ADARB2: variants seen among roughly 807,000 people sequenced by gnomAD.
ADARB2 encodes the protein adenosine deaminase RNA specific B2 (inactive), also known as inactive double-stranded RNA-specific editase B2.
In ADARB2, 25 loss-of-function variants were observed where a neutral mutation model predicts 62.2. That is an observed-to-expected ratio of 0.40 (90% confidence interval 0.29 to 0.56). ADARB2 has a LOEUF of 0.56. ADARB2 is among the 20% of genes least tolerant of loss of function. The pLI, the probability that ADARB2 is intolerant of heterozygous loss-of-function variation, is 0.43. For missense variants in ADARB2, 1,071 were observed against 1,077.4 expected, an observed-to-expected ratio of 0.99 and a Z score of 0.08; for synonymous variants, 572 against 500.8, an observed-to-expected ratio of 1.14 and a Z score of -1.90.
intron 1 of ADARB2, among the ~76,000 whole-genome samples, chr10:1,721,707 T>G (rs1156390906): frequency 6.6e-6 from 1 of 152,200 alleles, no homozygotes. Flanking sequence ...ACATACAATA[T>G]TATCTCAATG....
chr10:1,700,973 T>G (rs370583315), intron 1 of ADARB2, among the ~76,000 whole-genome samples: 8 of 1,460 alleles, frequency 5.5e-3, no homozygotes, highest in African/African-American at 6.6e-3. Context: ...GCCAATACAC[T>G]CAATCCCACT....
At chr10:1,253,258 G>C (rs1055115876) in intron 4 of ADARB2, among the ~76,000 whole-genome samples, 1 of 152,194 alleles carries the variant, frequency 6.6e-6, no homozygotes, top group Admixed American at 6.5e-5. Flanking sequence ...CTGCAACCAG[G>C]ATGTTTCTGT....
At chr10:1,326,966 G>GCCCAGCGCCTCCCCACT (rs1831860934) in intron 3 of ADARB2, among the ~76,000 whole-genome samples, 2 of 13,044 alleles carry the variant, frequency 1.5e-4, no homozygotes, top group Non-Finnish European at 3.3e-4. Flanking sequence ...GCCTCCCCAC[G>GCCCAGCGCCTCCCCACT]GCCCAGCGCC....
Position 1,271,086 on chromosome 10 carries a change from C to T in ADARB2, c.1078-17G>A. ...TGCGAATTCCTGAAAGACACAAGCA[C>T]AGGCCTCCACGTTGGGCTGAGCAGG... On this transcript the variant is annotated splice_polypyrimidine_tract_variant and intron_variant, in intron 3 of 9. Coordinates refer to ENST00000381312, the MANE Select transcript of ADARB2 (RefSeq NM_018702.4). The T allele has an allele frequency of 6.2e-7, 1 of 1,607,974 alleles. No individual in the cohort carries two copies. The highest frequency in any genetic ancestry group is 8.5e-7 in the Non-Finnish European group (1 of 1,175,490).
At chr10:1,316,563 G>A (rs542293154) in intron 3 of ADARB2, among the ~76,000 whole-genome samples, 1 of 152,130 alleles carries the variant, frequency 6.6e-6, no homozygotes, top group South Asian at 2.1e-4. Flanking sequence ...CCTCCTACCC[G>A]GAATAGGATT....
chr10:1,611,218 G>C (rs547604787), intron 1 of ADARB2, among the ~76,000 whole-genome samples: 256 of 152,224 alleles, frequency 1.7e-3, no homozygotes, highest in African/African-American at 5.9e-3. Context: ...TTTTGGAGGC[G>C]CGGAGTGAAT....
intron 1 of ADARB2, among the ~76,000 whole-genome samples, chr10:1,468,258 G>A (rs564953854): frequency 1.3e-5 from 2 of 152,298 alleles, no homozygotes; most frequent in East Asian, 3.9e-4. Flanking sequence ...GGATTCTTTG[G>A]GAGGGAGGCC....
chr10:1,258,774 G>A (rs962150507), intron 4 of ADARB2, among the ~76,000 whole-genome samples: 3 of 152,108 alleles, frequency 2.0e-5, no homozygotes, highest in African/African-American at 4.8e-5. Flanking sequence ...TCCAGGAATT[G>A]AACTCAGCTC....
intron 1 of ADARB2, among the ~76,000 whole-genome samples, chr10:1,498,229 C>T (rs965040700): frequency 2.0e-5 from 3 of 151,780 alleles, no homozygotes; most frequent in Admixed American, 1.3e-4. Flanking sequence ...AAAAAATTGG[C>T]CAGGCATGGT....
Position 1,217,014 on chromosome 10 carries a change from G to A in ADARB2, c.1619C>T (p.Thr540Ile). Residue 540 changes from threonine (T) to isoleucine (I), a missense_variant, in exon 7 of 10, where the codon ACC becomes ATC. Transcript: ENST00000381312. Reference sequence around the variant, plus strand: ...CTCCCCCAGCAGGACGCCGTCCCAGGTCTGCACTGCGCTGGGGCCACGCAC... The same window carrying A: ...CTCCCCCAGCAGGACGCCGTCCCAGATCTGCACTGCGCTGGGGCCACGCAC... ...VPVRGPSAVQ[T>I]WDGVLLGEQL... 6.2e-7 allele frequency: 1 copy of A among 1,611,628 alleles called. No individual in the cohort carries two copies. The highest frequency in any genetic ancestry group is 8.5e-7 in the Non-Finnish European group (1 of 1,179,740).
intron 7 of ADARB2, among the ~76,000 whole-genome samples, chr10:1,209,975 C>A (rs1419177081): frequency 2.0e-5 from 3 of 152,322 alleles, no homozygotes; most frequent in African/African-American, 4.8e-5. Context: ...ACTGATCTTA[C>A]CACTGACATT....
At position 1,311,415 on chromosome 10, in the gene ADARB2, G is replaced by A. The variant is rs555663772; in HGVS notation, c.1078-40346C>T. Among the ~76,000 whole-genome samples the A allele has an allele frequency of 2.6e-5, 4 of 152,250 alleles. No individual in the cohort carries two copies. The South Asian group carries it at 8.3e-4, about 32-fold the overall frequency. On this transcript the variant is annotated intron_variant, in intron 3 of 9. Transcript: ENST00000381312. Reference sequence around the variant, plus strand: ...CGTCTCCTGGTTTGGTAACAGGTGCGATCCTTCAGATGCTCCCCAAACATC... The same window carrying A: ...CGTCTCCTGGTTTGGTAACAGGTGCAATCCTTCAGATGCTCCCCAAACATC...
chr10:1,702,402 T>C (rs2119141647), intron 1 of ADARB2, among the ~76,000 whole-genome samples: 1 of 152,326 alleles, frequency 6.6e-6, no homozygotes, highest in Non-Finnish European at 1.5e-5. Context: ...GGAGGGAAGA[T>C]GAAGGAAGAG....
rs1337941009 is a variant in ADARB2, at chr10:1,405,172, A to C, written c.101-26012T>G. The stretch of plus-strand genomic sequence containing the variant: ...CCATTATGCATGTTGATCCTGTGCC[A>C]GATGCAGTAAGAGGCTCAGTGCTAA... On this transcript the variant is annotated intron_variant, in intron 1 of 9. Transcript: ENST00000381312. Among the ~76,000 whole-genome samples, 3 of 152,350 alleles carry C rather than the reference A, an allele frequency of 2.0e-5. No individual in the cohort carries two copies. In the East Asian group the frequency reaches 5.8e-4, roughly 29 times the overall value.
Position 1,445,943 on chromosome 10 carries a change from G to A in ADARB2, c.101-66783C>T, listed in dbSNP as rs146926732. On this transcript the variant is annotated intron_variant, in intron 1 of 9. Coordinates refer to ENST00000381312, the MANE Select transcript of ADARB2 (RefSeq NM_018702.4). ...GGAAGGAAAAGCAGGTGAAAAATCC[G>A]TAGCTTTTCTTTCGATATTATAGTC... Among the ~76,000 whole-genome samples the A allele has an allele frequency of 2.8e-3, 433 of 152,298 alleles. 3 individuals carry two copies. The highest frequency in any genetic ancestry group is 0.024 in the Middle Eastern group (7 of 294).
rs186720474 is a variant in ADARB2 at position 1,257,202 on chromosome 10, G to C, written c.1192+13753C>G. Among the ~76,000 whole-genome samples, 139 of 152,262 alleles carry C rather than the reference G, an allele frequency of 9.1e-4. 3 individuals carry two copies. The South Asian group carries it at 0.018, about 20-fold the overall frequency. On this transcript the variant is annotated intron_variant, in intron 4 of 9. Transcript: ENST00000381312. ...GTGAGTTCCCCTGGGCTCAAATCTG[G>C]CTGGTTAGTTAGAGCACCCATTCTT...
At chr10:1,234,854 T>A (rs1303606697) in intron 5 of ADARB2, among the ~76,000 whole-genome samples, 1 of 147,602 alleles carries the variant, frequency 6.8e-6, no homozygotes, top group African/African-American at 2.5e-5. Context: ...GTTCAAACGA[T>A]TCTCCTGCCT....
At chr10:1,687,297 A>AC (rs1834609598) in intron 1 of ADARB2, among the ~76,000 whole-genome samples, 1 of 152,168 alleles carries the variant, frequency 6.6e-6, no homozygotes, top group African/African-American at 2.4e-5. Context: ...AAGTGCTGGG[A>AC]TTACAGCTGT....
intron 1 of ADARB2, chr10:1,678,402 A>C: frequency 1.1e-6 from 1 of 902,348 alleles, no homozygotes; most frequent in Non-Finnish European, 1.3e-6. Flanking sequence ...CCTTGGGGTG[A>C]GCGTCTGCGC....
Sources: gnomAD v4.1 joint callset for allele counts (sites outside exome capture counted in the v4.1 genomes callset) on GRCh38, gnomAD v4.1.1 for gene constraint, MANE v1.5 for transcripts, NCBI Gene and HGNC (gene_info 2026-07-23, HGNC 2026-07-21) for gene names.